Variants in MLPH observed in about 807,000 individuals in gnomAD.
MLPH encodes melanophilin.
A neutral mutation model predicts 72.1 loss-of-function variants in MLPH; 51 were observed. The ratio of observed to expected loss-of-function variants is 0.71; its 90% CI spans 0.56 to 0.89. The LOEUF is 0.89. Among genes scored for constraint, MLPH ranks in the 40% least tolerant of loss-of-function variants. The pLI is 0.00. For synonymous variants in MLPH, 301 were observed against 310.1 expected, an observed-to-expected ratio of 0.97 and a Z score of 0.31; for missense variants, 743 against 759.9, an observed-to-expected ratio of 0.98 and a Z score of 0.26.
intron 8 of MLPH, among the ~76,000 whole-genome samples, chr2:237,528,237 C>G (rs961445040): frequency 6.6e-6 from 1 of 151,634 alleles, no homozygotes; most frequent in African/African-American, 2.4e-5. Flanking sequence ...ATACTTAATA[C>G]CTTAAAAATG....
chr2:237,493,507 C>A lies in MLPH; in HGVS notation c.81C>A (p.Asp27Glu), dbSNP rs2079470341. 3 of 1,613,842 alleles carry A rather than the reference C, an allele frequency of 1.9e-6. No homozygotes were observed. Among genetic ancestry groups the A allele is most frequent in the Non-Finnish European group, 2.5e-6 (3 of 1,179,882 alleles). Residue 27 changes from aspartate (D) to glutamate (E), a missense_variant, in exon 2 of 16, where the codon GAC becomes GAA. Transcript: ENST00000264605. Reference sequence around the variant, plus strand: ...TGGAAGTTGTTCAACGAGATTTTGACCTCCGAAGGAAAGAAGAGGAACGGC... The same window carrying A: ...TGGAAGTTGTTCAACGAGATTTTGAACTCCGAAGGAAAGAAGAGGAACGGC... ...HVLEVVQRDF[D>E]LRRKEEERLE...
At chr2:237,545,372 C>A in intron 12 of MLPH, 1 of 1,114,938 alleles carries the variant, frequency 9.0e-7, no homozygotes, top group South Asian at 1.4e-5. Flanking sequence ...AACATCCGGC[C>A]TGAGTTTCCT....
In MLPH at chr2:237,542,560, CTCGCAGGTT is replaced by C. The variant is rs1315306942; in HGVS notation, c.1447-4_1451del. 3 of 1,592,160 alleles carry C rather than the reference CTCGCAGGTT, an allele frequency of 1.9e-6. No homozygotes were observed. In the Admixed American group the frequency reaches 5.3e-5, roughly 28 times the overall value. On this transcript the variant is annotated splice_acceptor_variant and splice_polypyrimidine_tract_variant and coding_sequence_variant and intron_variant, in exon 12 of 16. Coordinates refer to ENST00000264605, the MANE Select transcript of MLPH (RefSeq NM_024101.7). LOFTEE classifies it high-confidence loss of function. ...TGACGGGCCTTCTGTCTGCTGTCCTCTCGCAGGTTTCAGACATTGAATCCAGGATTGCAG... is the reference window on the plus strand; with the variant it reads ...TGACGGGCCTTCTGTCTGCTGTCCTCTCAGACATTGAATCCAGGATTGCAG...
chr2:237,501,663 C>CCAAAAAA (rs1559337749), intron 2 of MLPH, among the ~76,000 whole-genome samples: 16 of 101,656 alleles, frequency 1.6e-4, no homozygotes, highest in African/African-American at 5.2e-4. Flanking sequence ...CACGTCTCTA[C>CCAAAAAA]TAAAAAAAAA....
intron 8 of MLPH, among the ~76,000 whole-genome samples, chr2:237,533,390 C>CATTTT (rs1553600847): frequency 5.6e-5 from 6 of 108,006 alleles, no homozygotes; most frequent in African/African-American, 2.3e-4. Flanking sequence ...ATTTTCTTTT[C>CATTTT]TTTTTTTTTT....
chr2:237,533,070 C>T (rs942815199), intron 8 of MLPH, among the ~76,000 whole-genome samples: 11 of 152,198 alleles, frequency 7.2e-5, no homozygotes, highest in Admixed American at 2.0e-4. Flanking sequence ...CTCACTCTAG[C>T]ATCATAACCG....
intron 1 of MLPH, among the ~76,000 whole-genome samples, chr2:237,492,059 G>A (rs6760913): frequency 0.1 from 15,531 of 152,266 alleles, 943 homozygotes; most frequent in Non-Finnish European, 0.14. Context: ...GAGTAGGTCT[G>A]GGTTGGAGCC....
intron 2 of MLPH, among the ~76,000 whole-genome samples, chr2:237,495,309 T>G (rs966466560): frequency 2.6e-5 from 4 of 152,238 alleles, no homozygotes; most frequent in African/African-American, 9.6e-5. Flanking sequence ...AAGTCCCTTT[T>G]GCTATGTGAG....
At chr2:237,511,257 C>A in intron 4 of MLPH, 156 bp downstream of exon 4, 1 of 585,934 alleles carries the variant, frequency 1.7e-6, no homozygotes, top group Non-Finnish European at 3.0e-6. Flanking sequence ...TGAATTCCTG[C>A]TTCTGGCTGC....
intron 6 of MLPH, among the ~76,000 whole-genome samples, chr2:237,520,602 G>A (rs1233477491): frequency 2.6e-5 from 4 of 152,200 alleles, no homozygotes; most frequent in African/African-American, 9.7e-5. Flanking sequence ...CTCTTCAAGG[G>A]CTGATTAGTG....
chr2:237,545,746 G>GC, intron 12 of MLPH: 2 of 975,046 alleles, frequency 2.1e-6, no homozygotes, highest in South Asian at 1.7e-5. Context: ...GACCTTAGGA[G>GC]AGTCCCAGAT....
intron 6 of MLPH, among the ~76,000 whole-genome samples, chr2:237,524,977 T>C (rs1255549849): frequency 6.6e-6 from 1 of 152,230 alleles, no homozygotes; most frequent in African/African-American, 2.4e-5. Flanking sequence ...CTGCTCTAAC[T>C]GGAGGCTGTC....
chr2:237,552,275 C>A, intron 14 of MLPH, 62 bp from the exon 15 acceptor site: 2 of 1,412,418 alleles, frequency 1.4e-6, no homozygotes, highest in Non-Finnish European at 2.0e-6. Flanking sequence ...GAGGCCAAGG[C>A]ACTTGTTTGG....
At chr2:237,488,250 T>C (rs2079359152) in intron 1 of MLPH, among the ~76,000 whole-genome samples, 1 of 152,140 alleles carries the variant, frequency 6.6e-6, no homozygotes, top group Non-Finnish European at 1.5e-5. Flanking sequence ...AGGCTCCCAA[T>C]AGGTGCAAAG....
chr2:237,536,569 G>T (rs552167514), intron 9 of MLPH, among the ~76,000 whole-genome samples: 3 of 152,290 alleles, frequency 2.0e-5, no homozygotes, highest in African/African-American at 7.2e-5. Context: ...GCCCCTGCCT[G>T]CACTGAGTCA....
chr2:237,538,257 G>A (rs2106370234), intron 9 of MLPH, among the ~76,000 whole-genome samples: 1 of 152,342 alleles, frequency 6.6e-6, no homozygotes, highest in East Asian at 1.9e-4. Context: ...TCTGCTGAAG[G>A]GAACTCAGCA....
intron 6 of MLPH, among the ~76,000 whole-genome samples, chr2:237,523,184 A>G (rs1226844518): frequency 6.6e-6 from 1 of 152,196 alleles, no homozygotes; most frequent in Non-Finnish European, 1.5e-5. Context: ...CTGGATTGTC[A>G]GTGTGAGATA....
At chr2:237,538,974 T>A (rs2080602254) in intron 9 of MLPH, among the ~76,000 whole-genome samples, 1 of 152,204 alleles carries the variant, frequency 6.6e-6, no homozygotes, top group Non-Finnish European at 1.5e-5. Flanking sequence ...AGGTCAAGTG[T>A]TGCAGCCCCT....
intron 12 of MLPH, among the ~76,000 whole-genome samples, chr2:237,545,024 T>G (rs1574910185): frequency 2.9e-3 from 1 of 350 alleles, no homozygotes; most frequent in African/African-American, 0.02. Flanking sequence ...CCGTGGTGAG[T>G]GGGGGCACAG....
Sources: gnomAD v4.1 joint callset for allele counts (sites outside exome capture counted in the v4.1 genomes callset) on GRCh38, gnomAD v4.1.1 for gene constraint, MANE v1.5 for transcripts, NCBI Gene and HGNC (gene_info 2026-07-23, HGNC 2026-07-21) for gene names.